The following ATP8B1 variants were observed in gnomAD, a reference collection of about 807,000 sequenced individuals.
ATP8B1 encodes ATPase phospholipid transporting 8B1, also known as phospholipid-transporting ATPase IC.
ATP8B1 carries 80 observed loss-of-function variants against 149.9 expected under a neutral mutation model. The ratio of observed to expected loss-of-function variants is 0.53; its 90% CI spans 0.45 to 0.64. The LOEUF (loss-of-function observed/expected upper bound fraction) is 0.64. ATP8B1 is among the 30% of genes least tolerant of loss of function. ATP8B1 has a pLI of 0.00. For synonymous variants in ATP8B1, 536 were observed against 562.8 expected (o/e 0.95, Z 0.67); for missense variants, 1,247 against 1,552.6 (o/e 0.80, Z 3.31).
chr18:57,730,245 T>G, intron 2 of ATP8B1, among the ~76,000 whole-genome samples: 1 of 141,806 alleles, frequency 7.1e-6, no homozygotes, highest in Non-Finnish European at 1.5e-5. Context: ...GAGGGGGGGT[T>G]TGGCATGGGG....
chr18:57,733,900 C>G (rs200068342), intron 1 of ATP8B1: 10 of 492 alleles, frequency 0.02, no homozygotes, highest in African/African-American at 0.042. Flanking sequence ...CAAATGGACA[C>G]TTAGGAAATT....
Position 57,774,279 on chromosome 18 carries a change from G to A in ATP8B1, c.-26+28719C>T, listed in dbSNP as rs145910328. ...CCCCTTCTTTACATTGTTGTCCATA[G>A]CACTTCTCATCTGCTATCAGACTTT... On this transcript the variant is annotated intron_variant, in intron 1 of 27. Transcript: ENST00000648908. 5.5e-4 allele frequency among the ~76,000 whole-genome samples: 83 copies of A among 152,286 alleles called. No individual in the cohort carries two copies. The East Asian group carries it at 0.014, about 25-fold the overall frequency.
At chr18:57,788,685 T>C (rs1008369324) in intron 1 of ATP8B1, among the ~76,000 whole-genome samples, 1 of 152,188 alleles carries the variant, frequency 6.6e-6, no homozygotes, top group Admixed American at 6.5e-5. Context: ...TTCCCTTGTG[T>C]TTCTCATCTG....
chr18:57,699,476 C>A (rs1156394651), intron 6 of ATP8B1, among the ~76,000 whole-genome samples: 2 of 151,892 alleles, frequency 1.3e-5, no homozygotes, highest in Non-Finnish European at 2.9e-5. Flanking sequence ...GTGGCTCACG[C>A]CTGTAATCCC....
chr18:57,761,017 T>C (rs1257419023), intron 1 of ATP8B1, among the ~76,000 whole-genome samples: 1 of 108,730 alleles, frequency 9.2e-6, no homozygotes, highest in Non-Finnish European at 1.9e-5. Flanking sequence ...TAAAATAACA[T>C]AAAATAACAT....
intron 1 of ATP8B1, among the ~76,000 whole-genome samples, chr18:57,770,541 C>G (rs528906533): frequency 6.6e-6 from 1 of 152,348 alleles, no homozygotes; most frequent in East Asian, 1.9e-4. Flanking sequence ...AGCCGGCCCA[C>G]CCTCAGAACA....
chr18:57,655,564 A>G, intron 22 of ATP8B1, 147 bp from the exon 23 acceptor site: 1 of 761,214 alleles, frequency 1.3e-6, no homozygotes, highest in South Asian at 1.5e-5. Flanking sequence ...ACCATCCCTC[A>G]CCCCCAGCTC....
Position 57,655,410 on chromosome 18 carries a change from G to A in ATP8B1, c.2715C>T (p.His905=), listed in dbSNP as rs755106189. The A allele has an allele frequency of 3.7e-6, 6 of 1,614,128 alleles. No individual in the cohort carries two copies. In the East Asian group the frequency reaches 6.7e-5, roughly 18 times the overall value. ...ANDVNMIKTA[H]IGVGISGQEG... is the part of the protein sequence containing the mutation. ...CTTGTCCACTTATTCCAACGCCAAT[G>A]TGGGCAGCTATGGGGCAGAGGGAGA... Residue 905 remains histidine, a synonymous_variant, in exon 23 of 28, where the codon CAC becomes CAT. Transcript: ENST00000648908.
chr18:57,684,153 G>A lies in ATP8B1; in HGVS notation c.1513C>T (p.Leu505Phe), dbSNP rs1912120064. Reference sequence around the variant, plus strand: ...ATAAGATAGTGGTCATAAAATGCAAGCTTCCCATCAGCATATGTATTCCAG... The same window carrying A: ...ATAAGATAGTGGTCATAAAATGCAAACTTCCCATCAGCATATGTATTCCAG... ...FSWNTYADGK[L>F]AFYDHYLIEQ... Residue 505 changes from leucine (L) to phenylalanine (F), a missense_variant, in exon 15 of 28, where the codon CTT (leucine) becomes TTT (phenylalanine). This residue lies in a region of ATP8B1 where 853 missense variants were observed against 1,035.7 expected (regional missense o/e 0.82). Transcript: ENST00000648908. 6.2e-7 allele frequency: 1 copy of A among 1,614,050 alleles called. No individual in the cohort carries two copies. Among genetic ancestry groups the A allele is most frequent in the South Asian group, 1.1e-5 (1 of 91,080 alleles).
At chr18:57,710,887 G>A (rs1459039040) in intron 2 of ATP8B1, among the ~76,000 whole-genome samples, 4 of 152,092 alleles carry the variant, frequency 2.6e-5, no homozygotes, top group Admixed American at 6.5e-5. Context: ...TGCCCACCTC[G>A]GCCTCCCAAA....
intron 1 of ATP8B1, among the ~76,000 whole-genome samples, chr18:57,739,718 A>G (rs1020066002): frequency 1.3e-5 from 2 of 152,222 alleles, no homozygotes; most frequent in African/African-American, 4.8e-5. Context: ...ATGGGAGAAA[A>G]CAGCAACAGT....
rs187663575 is a variant in ATP8B1 at position 57,742,499 on chromosome 18, A to G, written c.-25-10667T>C. On this transcript the variant is annotated intron_variant, in intron 1 of 27. Coordinates refer to ENST00000648908, the MANE Select transcript of ATP8B1 (RefSeq NM_001374385.1). ...CTCTGAGTCCACAGCTTCACCCCCT[A>G]TTCCTCAGAAAATCCGCCCCAGAGC... is the stretch of plus-strand genomic sequence containing the variant. 4.2e-3 allele frequency among the ~76,000 whole-genome samples: 600 copies of G among 144,392 alleles called. 3 individuals carry two copies. The highest frequency in any genetic ancestry group is 0.016 in the African/African-American group (557 of 34,146). 94.7% of individuals were successfully genotyped at this position (144,392 alleles called of 152,430 possible). A position where few individuals can be genotyped will look rare whatever the true frequency, so the allele number is the denominator to read the frequency against.
At chr18:57,771,077 G>A (rs543993724) in intron 1 of ATP8B1, among the ~76,000 whole-genome samples, 24 of 152,318 alleles carry the variant, frequency 1.6e-4, no homozygotes, top group African/African-American at 5.8e-4. Context: ...TGGTCAGGCT[G>A]GTTTTGAACT....
chr18:57,752,293 A>G (rs1172791812), intron 1 of ATP8B1, among the ~76,000 whole-genome samples: 1 of 151,816 alleles, frequency 6.6e-6, no homozygotes, highest in African/African-American at 2.4e-5. Flanking sequence ...CTTATTTCTC[A>G]AGTGGGGCAG....
intron 1 of ATP8B1, among the ~76,000 whole-genome samples, chr18:57,801,634 G>GTT (rs200054245): frequency 5.3e-5 from 8 of 151,900 alleles, no homozygotes; most frequent in African/African-American, 1.9e-4. Flanking sequence ...ATCACGCGTG[G>GTT]TTTTTTTTAG....
chr18:57,650,263 T>A, intron 27 of ATP8B1, 104 bp downstream of exon 27: 1 of 1,441,714 alleles, frequency 6.9e-7, no homozygotes, highest in Non-Finnish European at 9.7e-7. Flanking sequence ...AAATCATTCT[T>A]ACCAAACTTC....
Position 57,680,806 on chromosome 18 carries a change from C to T in ATP8B1, c.1630+3230G>A, listed in dbSNP as rs951701569. Among the ~76,000 whole-genome samples the T allele has an allele frequency of 2.0e-5, 3 of 152,060 alleles. No homozygotes were observed. In the South Asian group the frequency reaches 6.2e-4, roughly 32 times the overall value. ...GCCAATCTCCAGTGCCTACCTGCTC[C>T]AGACTCTCACACCCGTGATGCGCAA... On this transcript the variant is annotated intron_variant, in intron 15 of 27. Transcript: ENST00000648908.
chr18:57,705,559 A>G (rs1458268324), intron 3 of ATP8B1, among the ~76,000 whole-genome samples: 3 of 152,200 alleles, frequency 2.0e-5, no homozygotes, highest in African/African-American at 7.2e-5. Flanking sequence ...ACACAGACAC[A>G]CACAGGAAGA....
rs1159729263 is a variant in ATP8B1 at position 57,797,727 on chromosome 18, A to C, written c.-26+5271T>G. Among the ~76,000 whole-genome samples, 5 of 39,414 alleles carry C rather than the reference A, an allele frequency of 1.3e-4. No individual in the cohort carries two copies. In the Admixed American group the frequency reaches 1.9e-3, roughly 15 times the overall value. 25.9% of individuals were successfully genotyped at this position (39,414 alleles called of 152,430 possible). A position where few individuals can be genotyped will look rare whatever the true frequency, so the allele number is the denominator to read the frequency against. On this transcript the variant is annotated intron_variant, in intron 1 of 27. Coordinates refer to ENST00000648908, the MANE Select transcript of ATP8B1 (RefSeq NM_001374385.1). ...TCTTTTTTTTTTTTTTTTTTTTTTG[A>C]GATGGAGTCTCACTCTGTCGCCCAG...
Sources: gnomAD v4.1 joint callset for allele counts (sites outside exome capture counted in the v4.1 genomes callset) on GRCh38, gnomAD v4.1.1 for gene constraint, gnomAD v4.1.1 regional missense constraint, MANE v1.5 for transcripts, NCBI Gene and HGNC (gene_info 2026-07-23, HGNC 2026-07-21) for gene names.